Variants in ACSL6 observed in about 807,000 individuals in gnomAD.
The protein encoded by ACSL6 is acyl-CoA synthetase long chain family member 6.
Under a neutral mutation model 98.2 loss-of-function variants are expected in ACSL6, and 47 were observed. The observed-to-expected ratio is 0.48, with a 90% CI of 0.38 to 0.61. ACSL6 has a LOEUF of 0.61. Among genes scored for constraint, ACSL6 ranks in the 20% least tolerant of loss-of-function variants. The pLI, the probability that ACSL6 is intolerant of heterozygous loss-of-function variation, is 0.00. For missense variants in ACSL6, 761 were observed against 913.4 expected (o/e 0.83, Z 2.15); for synonymous variants, 362 against 336.9 (o/e 1.07, Z -0.82).
intron 10 of ACSL6, 183 bp from the exon 11 acceptor site, chr5:131,975,153 GGA>G (rs1272431487): frequency 1.4e-5 from 20 of 1,405,036 alleles, no homozygotes; most frequent in South Asian, 3.1e-5. Context: ...AGAGAGAGAG[GGA>G]GAGAGAGAGG....
intron 15 of ACSL6, chr5:131,968,330 A>C: frequency 3.9e-6 from 1 of 256,420 alleles, no homozygotes; most frequent in East Asian, 6.9e-5. Context: ...GGGGGGCATC[A>C]AACACAGGGT....
chr5:132,004,339 C>T (rs10074490), intron 1 of ACSL6, among the ~76,000 whole-genome samples: 51,411 of 151,672 alleles, frequency 0.34, 9,392 homozygotes, highest in Non-Finnish European at 0.41. Context: ...AGCATGGATG[C>T]CACTCAGACT....
At chr5:131,998,844 CCTA>C (rs1171495142) in intron 1 of ACSL6, among the ~76,000 whole-genome samples, 2 of 152,182 alleles carry the variant, frequency 1.3e-5, no homozygotes, top group African/African-American at 4.8e-5. Context: ...TATCTGGCTT[CCTA>C]TTGCCTTAGG....
At position 131,994,100 on chromosome 5, in the gene ACSL6, G is replaced by T. The variant is rs1307084403; in HGVS notation, c.201C>A (p.Tyr67Ter). 1 of 1,614,132 alleles carries T rather than the reference G, an allele frequency of 6.2e-7. No homozygotes were observed. Among genetic ancestry groups the T allele is most frequent in the Non-Finnish European group, 8.5e-7 (1 of 1,180,060 alleles). The change falls in exon 2 of 21, where the codon TAC becomes TAA. Residue 67 changes from tyrosine (Y) to a stop codon, truncating the protein, a stop_gained. Transcript: ENST00000651883. LOFTEE classifies it high-confidence loss of function. ...SMGALAAILA[Y>*]WFTHRPKALQ... Reference sequence around the variant, plus strand: ...AGGCCTTTGGCCGGTGAGTGAACCAGTAGGCAAGGATGGCAGCCAGGGCAC... The same window carrying T: ...AGGCCTTTGGCCGGTGAGTGAACCATTAGGCAAGGATGGCAGCCAGGGCAC...
Position 131,970,177 on chromosome 5 carries a change from A to G in ACSL6, c.1458T>C (p.Thr486=), listed in dbSNP as rs906256547. 1.9e-6 allele frequency: 3 copies of G among 1,614,092 alleles called. No individual in the cohort carries two copies. The highest frequency in any genetic ancestry group is 2.5e-6 in the Non-Finnish European group (3 of 1,180,020). Residue 486 remains threonine (T), a synonymous_variant, in exon 15 of 21, where the codon ACT becomes ACC. Coordinates refer to ENST00000651883, the MANE Select transcript of ACSL6 (RefSeq NM_001009185.3). ...TGAAGGTACATCCAGCTGTGCACTC[A>G]GTTTGGCCATAACCTTCATAAACCT... The part of the protein sequence containing the change: ...GCQVYEGYGQ[T]ECTAGCTFTT...
chr5:131,972,749 T>C lies in ACSL6; in HGVS notation c.1313A>G (p.Asp438Gly). ...CTGAATCTTATTAAAGAAGAGTTCA[T>C]CCCAGATACTATCATTCCTGATGAT... ...SGIIRNDSIW[D>G]ELFFNKIQAS... The change falls in exon 13 of 21, where the codon GAT becomes GGT. Residue 438 changes from aspartate (D) to glycine (G), a missense_variant. By Grantham distance (94) the Asp-to-Gly change is moderately conservative. Transcript: ENST00000651883. 1 of 1,614,198 alleles carries C rather than the reference T, an allele frequency of 6.2e-7. No individual in the cohort carries two copies. Among genetic ancestry groups the C allele is most frequent in the South Asian group, 1.1e-5 (1 of 91,082 alleles).
Position 131,990,835 on chromosome 5 carries a change from C to A in ACSL6, c.385+18G>T, listed in dbSNP as rs756578692. The A allele has an allele frequency of 6.2e-7, 1 of 1,611,756 alleles. No homozygotes were observed. Among genetic ancestry groups the A allele is most frequent in the Non-Finnish European group, 8.5e-7 (1 of 1,178,074 alleles). ...TGCCACACAGCCCCTCCACACCCCC[C>A]CCCACAACCCTTCTCACCTGAGATG... On this transcript the variant is annotated intron_variant, in intron 3 of 20. Transcript: ENST00000651883.
intron 9 of ACSL6, chr5:131,983,324 G>A (rs1162764269): frequency 7.2e-5 from 11 of 152,142 alleles, no homozygotes; most frequent in Non-Finnish European, 2.9e-5. Context: ...AGGCCTTCTT[G>A]GCCTGAATAG....
intron 17 of ACSL6, among the ~76,000 whole-genome samples, chr5:131,964,953 C>A (rs772048995): frequency 2.6e-5 from 4 of 152,134 alleles, no homozygotes; most frequent in African/African-American, 9.7e-5. Context: ...GGTGAGTGTG[C>A]CCCCAGTGTG....
intron 17 of ACSL6, among the ~76,000 whole-genome samples, chr5:131,965,856 T>C (rs1752986083): frequency 6.6e-6 from 1 of 152,238 alleles, no homozygotes; most frequent in Non-Finnish European, 1.5e-5. Context: ...CTGGGGGCCA[T>C]GGGCAAGGAA....
rs1259444982 is a variant in ACSL6, at chr5:131,976,526, C to T, written c.990+122G>A. 15 of 864,298 alleles carry T rather than the reference C, an allele frequency of 1.7e-5. No individual in the cohort carries two copies. The Admixed American group carries it at 2.0e-4, about 12-fold the overall frequency. 53.5% of individuals were successfully genotyped at this position (864,298 alleles called of 1,614,324 possible). ...AACAGAAACTCCTGCCTGTGAATGGCAGCCCAGGTTATATCAAGAAAAAAA... is the reference window on the plus strand; with the variant it reads ...AACAGAAACTCCTGCCTGTGAATGGTAGCCCAGGTTATATCAAGAAAAAAA... On this transcript the variant is annotated intron_variant, in intron 10 of 20. Coordinates refer to ENST00000651883, the MANE Select transcript of ACSL6 (RefSeq NM_001009185.3).
intron 6 of ACSL6, 138 bp downstream of exon 6, chr5:131,988,667 C>G (rs1344233656): frequency 2.5e-6 from 4 of 1,597,922 alleles, no homozygotes; most frequent in Non-Finnish European, 2.6e-6. Context: ...AACTCAGGAG[C>G]CACAGTGTAA....
At chr5:131,985,881 C>A (rs1258727875) in intron 8 of ACSL6, among the ~76,000 whole-genome samples, 2 of 152,212 alleles carry the variant, frequency 1.3e-5, no homozygotes, top group Non-Finnish European at 2.9e-5. Context: ...AGCTTGGGAG[C>A]ACGTGTGGCT....
At chr5:131,968,072 G>T in intron 15 of ACSL6, 44 bp from the exon 16 acceptor site, 1 of 1,547,724 alleles carries the variant, frequency 6.5e-7, no homozygotes, top group South Asian at 1.1e-5. Context: ...GTTCAGATCT[G>T]TTTTAGCACT....
chr5:131,989,314 C>A (rs1400730067), intron 5 of ACSL6, 93 bp downstream of exon 5: 6 of 1,232,252 alleles, frequency 4.9e-6, no homozygotes, highest in Non-Finnish European at 7.0e-6. Context: ...TTCTTTTGTC[C>A]TGGGCCCTAC....
In ACSL6 at chr5:131,950,238, G is replaced by A. The variant is rs1269719007; in HGVS notation, c.*3996C>T. ...AATTAGAATAATCGGTCAAATGAAT[G>A]TTTAAAAGCCACTGTCACCTCATGA... On this transcript the variant is annotated 3_prime_UTR_variant, in exon 21 of 21. Transcript: ENST00000651883. 9.9e-6 allele frequency: 2 copies of A among 201,876 alleles called. No individual in the cohort carries two copies. Among genetic ancestry groups the A allele is most frequent in the Non-Finnish European group, 2.0e-5 (2 of 98,214 alleles). 12.5% of individuals were successfully genotyped at this position (201,876 alleles called of 1,614,324 possible).
chr5:131,967,794 T>C, intron 16 of ACSL6, 146 bp downstream of exon 16: 1 of 608,282 alleles, frequency 1.6e-6, no homozygotes, highest in South Asian at 2.8e-5. Flanking sequence ...GGAGAGGAGA[T>C]GCTGAGTTGA....
intron 9 of ACSL6, chr5:131,984,847 A>G: frequency 6.0e-6 from 1 of 165,522 alleles, no homozygotes. Context: ...CAGCCTGCAG[A>G]GCATCTGCAT....
chr5:131,999,633 T>C (rs1754972686), intron 1 of ACSL6: 1 of 152,318 alleles, frequency 6.6e-6, no homozygotes, highest in African/African-American at 2.4e-5. Context: ...CCGTTAGCAG[T>C]GGTAGCACAG....
Sources: allele counts gnomAD v4.1 joint callset (sites outside exome capture counted in the v4.1 genomes callset), GRCh38; gene constraint gnomAD v4.1.1; transcripts MANE v1.5; gene names NCBI Gene and HGNC (gene_info 2026-07-23, HGNC 2026-07-21).